Variants in ADARB2 observed in about 807,000 individuals in gnomAD.
The protein encoded by ADARB2 is adenosine deaminase RNA specific B2 (inactive), also known as inactive double-stranded RNA-specific editase B2.
ADARB2 carries 25 observed loss-of-function variants against 62.2 expected under a neutral mutation model. That is an observed-to-expected ratio of 0.40 (90% confidence interval 0.29 to 0.56). The LOEUF (loss-of-function observed/expected upper bound fraction) is 0.56, where lower values mean the gene tolerates loss of function less well. Ranked by LOEUF, ADARB2 falls within the 20% of genes least tolerant of loss-of-function variation. The pLI is 0.43. For missense variants in ADARB2, 1,071 were observed against 1,077.4 expected, an observed-to-expected ratio of 0.99 and a Z score of 0.08; for synonymous variants, 572 against 500.8, an observed-to-expected ratio of 1.14 and a Z score of -1.90.
chr10:1,399,805 C>A (rs1832647072), intron 1 of ADARB2, among the ~76,000 whole-genome samples: 1 of 152,102 alleles, frequency 6.6e-6, no homozygotes, highest in South Asian at 2.1e-4. Context: ...GTAATAATAA[C>A]AACAATAATA....
At chr10:1,386,197 G>C (rs141711337) in intron 1 of ADARB2, among the ~76,000 whole-genome samples, 141 of 151,808 alleles carry the variant, frequency 9.3e-4, no homozygotes, top group African/African-American at 3.3e-3. Flanking sequence ...AAAGTCAACA[G>C]AGAAGATAAA....
chr10:1,606,562 A>G lies in ADARB2; in HGVS notation c.100+130489T>C, dbSNP rs531216284. 1.4e-3 allele frequency among the ~76,000 whole-genome samples: 217 copies of G among 152,300 alleles called. 2 individuals carry two copies. The highest frequency in any genetic ancestry group is 5.0e-3 in the African/African-American group (208 of 41,562). The stretch of plus-strand genomic sequence containing the variant: ...TGTGTCCATCCCAAGTCCGAAGGAG[A>G]CCACGAGAGAGCCAGCTAGAGTCCC... On this transcript the variant is annotated intron_variant, in intron 1 of 9. Transcript: ENST00000381312.
At chr10:1,735,833 C>T (rs1205839679) in intron 1 of ADARB2, among the ~76,000 whole-genome samples, 1 of 152,206 alleles carries the variant, frequency 6.6e-6, no homozygotes, top group Admixed American at 6.5e-5. Context: ...TTGCTATTGA[C>T]ATTTATGCCT....
At chr10:1,577,040 C>T (rs896732165) in intron 1 of ADARB2, among the ~76,000 whole-genome samples, 7 of 152,138 alleles carry the variant, frequency 4.6e-5, no homozygotes, top group African/African-American at 1.4e-4. Flanking sequence ...GTTCCCATGG[C>T]TGATTGAACA....
intron 1 of ADARB2, among the ~76,000 whole-genome samples, chr10:1,647,856 GTA>G (rs1437292559): frequency 6.6e-6 from 1 of 151,886 alleles, no homozygotes; most frequent in Non-Finnish European, 1.5e-5. Flanking sequence ...GTGTATATGT[GTA>G]TGTGTGTGTA....
chr10:1,493,422 C>T (rs1831645936), intron 1 of ADARB2, among the ~76,000 whole-genome samples: 1 of 152,020 alleles, frequency 6.6e-6, no homozygotes, highest in African/African-American at 2.4e-5. Flanking sequence ...AGATTCAGGT[C>T]ACAATAATGA....
chr10:1,451,269 G>A (rs1429070539), intron 1 of ADARB2, among the ~76,000 whole-genome samples: 2 of 152,244 alleles, frequency 1.3e-5, no homozygotes, highest in African/African-American at 4.8e-5. Context: ...CCCAGTATGG[G>A]AAAGACGGCA....
At chr10:1,449,996 G>T (rs1831017321) in intron 1 of ADARB2, among the ~76,000 whole-genome samples, 1 of 152,230 alleles carries the variant, frequency 6.6e-6, no homozygotes, top group Non-Finnish European at 1.5e-5. Context: ...GGGGCTGGCT[G>T]CAAGGAGGCC....
In ADARB2 at chr10:1,186,834, C is replaced by T. The variant is rs367591371; in HGVS notation, c.1865-1795G>A. Among the ~76,000 whole-genome samples the T allele has an allele frequency of 3.3e-5, 5 of 152,312 alleles. No homozygotes were observed. The East Asian group carries it at 9.6e-4, about 29-fold the overall frequency. ...AAAGACCTGGTGGGCTGAGCTGGTG[C>T]GAGTGGGTTCCCGCCATAGCAGACT... is the stretch of plus-strand genomic sequence containing the variant. On this transcript the variant is annotated intron_variant, in intron 8 of 9. Transcript: ENST00000381312.
At chr10:1,333,966 C>T (rs1345081703) in intron 3 of ADARB2, among the ~76,000 whole-genome samples, 1 of 152,200 alleles carries the variant, frequency 6.6e-6, no homozygotes, top group Non-Finnish European at 1.5e-5. Context: ...TACAAACGCC[C>T]GTAGCCCCAT....
At chr10:1,350,506 G>A (rs966074872) in intron 3 of ADARB2, among the ~76,000 whole-genome samples, 2 of 152,086 alleles carry the variant, frequency 1.3e-5, no homozygotes, top group South Asian at 2.1e-4. Flanking sequence ...GTTTCGTTCC[G>A]TGACTAGCTC....
chr10:1,625,880 T>TGCCCCACTTCTCACGCCTCTGCCTGACC (rs566917057), intron 1 of ADARB2, among the ~76,000 whole-genome samples: 69,857 of 137,030 alleles, frequency 0.51, 19,081 homozygotes, highest in African/African-American at 0.64. Context: ...CCTGCCTGGC[T>TGCCCCACTTCTCACGCCTCTGCCTGACC]GCCCCACTTC....
intron 1 of ADARB2, among the ~76,000 whole-genome samples, chr10:1,450,368 C>A (rs932511896): frequency 6.6e-6 from 1 of 152,240 alleles, no homozygotes; most frequent in East Asian, 1.9e-4. Context: ...TTTTCTTTAG[C>A]CGCTGTGGCT....
chr10:1,226,696 G>A (rs982298672), intron 6 of ADARB2, among the ~76,000 whole-genome samples: 1 of 152,198 alleles, frequency 6.6e-6, no homozygotes, highest in Non-Finnish European at 1.5e-5. Flanking sequence ...GTTTGCCTGG[G>A]TATCTGCAGC....
At chr10:1,731,443 T>C (rs150539845) in intron 1 of ADARB2, among the ~76,000 whole-genome samples, 1 of 152,308 alleles carries the variant, frequency 6.6e-6, no homozygotes, top group East Asian at 1.9e-4. Context: ...CAATGTTCCC[T>C]TCCCTTCCTG....
intron 1 of ADARB2, among the ~76,000 whole-genome samples, chr10:1,422,520 G>A (rs998464406): frequency 1.3e-5 from 2 of 152,172 alleles, no homozygotes; most frequent in South Asian, 2.1e-4. Flanking sequence ...CTGAGCTGAC[G>A]GCACTGGTCT....
intron 1 of ADARB2, among the ~76,000 whole-genome samples, chr10:1,495,528 A>G (rs571510594): frequency 1.3e-5 from 2 of 152,360 alleles, no homozygotes; most frequent in Admixed American, 6.5e-5. Flanking sequence ...TTCCAGCCCA[A>G]TGCTACATTT....
intron 1 of ADARB2, among the ~76,000 whole-genome samples, chr10:1,640,608 G>A (rs990556581): frequency 2.0e-5 from 3 of 152,014 alleles, no homozygotes; most frequent in Non-Finnish European, 4.4e-5. Context: ...AACAAACTAC[G>A]TAGGTGAATC....
intron 1 of ADARB2, among the ~76,000 whole-genome samples, chr10:1,652,967 G>C (rs771856355): frequency 1.3e-5 from 2 of 152,196 alleles, no homozygotes; most frequent in Non-Finnish European, 2.9e-5. Flanking sequence ...TCCTCCCTGA[G>C]ATGCCAAGCC....
Sources: gnomAD v4.1 joint callset for allele counts (sites outside exome capture counted in the v4.1 genomes callset) on GRCh38, gnomAD v4.1.1 for gene constraint, MANE v1.5 for transcripts, NCBI Gene and HGNC (gene_info 2026-07-23, HGNC 2026-07-21) for gene names.